Variants in CDH11 observed in about 807,000 individuals in gnomAD.
CDH11 encodes the protein cadherin-11.
A neutral mutation model predicts 67.8 loss-of-function variants in CDH11; 11 were observed. The ratio of observed to expected loss-of-function variants is 0.16; its 90% confidence interval spans 0.10 to 0.27. The LOEUF (loss-of-function observed/expected upper bound fraction) is 0.27, where lower values mean the gene tolerates loss of function less well. CDH11 is among the 10% of genes least tolerant of loss of function. CDH11 has a pLI of 1.00. For synonymous variants in CDH11, 419 were observed against 400.0 expected, an observed-to-expected ratio of 1.05 and a Z score of -0.57; for missense variants, 847 against 1,031.2, an observed-to-expected ratio of 0.82 and a Z score of 2.45.
intron 1 of CDH11, among the ~76,000 whole-genome samples, chr16:65,102,420 C>T (rs555676428): frequency 3.3e-4 from 50 of 152,242 alleles, no homozygotes; most frequent in Non-Finnish European, 1.3e-4. Context: ...ACTTACCTCC[C>T]TCTTGGGAAA....
At chr16:64,995,945 C>G (rs1202294736) in intron 4 of CDH11, among the ~76,000 whole-genome samples, 5 of 152,046 alleles carry the variant, frequency 3.3e-5, no homozygotes, top group Non-Finnish European at 7.4e-5. Flanking sequence ...CATGGATGGA[C>G]ACTTAGCAAA....
At position 64,947,634 on chromosome 16, in the gene CDH11, C is replaced by A. The variant is rs768258792; in HGVS notation, c.2360G>T (p.Gly787Val). Reference sequence around the variant, plus strand: ...ATCGTCATCAAAAGTGTCTTTGGAACCATACAAATCTGCTAGTTTCTTAAA... The same window carrying A: ...ATCGTCATCAAAAGTGTCTTTGGAAACATACAAATCTGCTAGTTTCTTAAA... ...PRFKKLADLYGSKDTFDDDS is the reference protein window; with the variant it reads ...PRFKKLADLYVSKDTFDDDS Residue 787 changes from glycine to valine, a missense_variant, in exon 13 of 13, where the codon GGT (glycine) becomes GTT (valine). Physicochemically the swap from Gly to Val is moderately radical, Grantham distance 109. This residue lies in a region of CDH11 where 612 missense variants were observed against 678.7 expected (regional missense o/e 0.90). Transcript: ENST00000268603. 5 of 1,613,324 alleles carry A rather than the reference C, an allele frequency of 3.1e-6. No homozygotes were observed. The highest frequency in any genetic ancestry group is 1.3e-5 in the African/African-American group (1 of 74,856).
At chr16:65,030,213 C>T (rs556642144) in intron 2 of CDH11, among the ~76,000 whole-genome samples, 3 of 152,154 alleles carry the variant, frequency 2.0e-5, no homozygotes, top group Non-Finnish European at 2.9e-5. Context: ...ATTTGGCAAA[C>T]TGAATTACAG....
chr16:65,068,573 C>T (rs1016588521), intron 1 of CDH11, among the ~76,000 whole-genome samples: 16 of 152,248 alleles, frequency 1.1e-4, no homozygotes, highest in African/African-American at 2.9e-4. Flanking sequence ...AGCTTCTCTT[C>T]GAAGTCAGCT....
intron 2 of CDH11, among the ~76,000 whole-genome samples, chr16:65,030,726 G>A (rs2073626618): frequency 6.6e-6 from 1 of 152,138 alleles, no homozygotes; most frequent in South Asian, 2.1e-4. Context: ...GCATGCCACT[G>A]AGCCTGGCTA....
chr16:65,003,242 ATTAT>A (rs1281384316), intron 3 of CDH11, among the ~76,000 whole-genome samples: 4 of 151,690 alleles, frequency 2.6e-5, no homozygotes, highest in Admixed American at 6.6e-5. Context: ...CATCTTTTTT[ATTAT>A]TTATTTATTT....
At chr16:64,975,009 T>A (rs2072123704) in intron 8 of CDH11, among the ~76,000 whole-genome samples, 1 of 152,122 alleles carries the variant, frequency 6.6e-6, no homozygotes, top group African/African-American at 2.4e-5. Flanking sequence ...CCAAACAGAA[T>A]CTCACTATGT....
At chr16:64,992,151 A>G (rs1350505982) in intron 5 of CDH11, among the ~76,000 whole-genome samples, 3 of 152,168 alleles carry the variant, frequency 2.0e-5, no homozygotes, top group Non-Finnish European at 2.9e-5. Flanking sequence ...ATTTGTATTT[A>G]TGTTTTGTTG....
chr16:65,028,255 AGG>A (rs1286636195), intron 2 of CDH11, among the ~76,000 whole-genome samples: 1 of 152,062 alleles, frequency 6.6e-6, no homozygotes, highest in Non-Finnish European at 1.5e-5. Context: ...GTTCCACCTA[AGG>A]CACAGCAGGT....
chr16:64,978,421 G>C (rs2072238942), intron 8 of CDH11, among the ~76,000 whole-genome samples: 1 of 152,116 alleles, frequency 6.6e-6, no homozygotes. Context: ...CAGGAAAGAA[G>C]ACATAGATAA....
rs142459077 is a variant in CDH11 at position 64,994,344 on chromosome 16, C to T, written c.524-1310G>A. On this transcript the variant is annotated intron_variant, in intron 4 of 12. Coordinates refer to ENST00000268603, the MANE Select transcript of CDH11 (RefSeq NM_001797.4). ...TTAATTTCCTTCTAGAACTCTGCTA[C>T]ATCCTTTACAATGGTTTTGTATTTC... Among the ~76,000 whole-genome samples, 372 of 152,288 alleles carry T rather than the reference C, an allele frequency of 2.4e-3. 3 individuals carry two copies. Among genetic ancestry groups the T allele is most frequent in the Middle Eastern group, 0.01 (3 of 294 alleles).
rs71143543 is a variant in CDH11, at chr16:64,993,196, ACCTTCCTTCCTT to A, written c.524-174_524-163del. On this transcript the variant is annotated intron_variant, in intron 4 of 12. Transcript: ENST00000268603. The stretch of plus-strand genomic sequence containing the variant: ...GAGATGCAAAATAACCAGCCAACCA[ACCTTCCTTCCTT>A]CCTTCCTTCCTTCCTTCCTTCCTTC... Among the ~76,000 whole-genome samples, 51 of 147,212 alleles carry A rather than the reference ACCTTCCTTCCTT, an allele frequency of 3.5e-4. No individual in the cohort carries two copies. The South Asian group carries it at 8.9e-3, about 26-fold the overall frequency.
intron 2 of CDH11, among the ~76,000 whole-genome samples, chr16:65,044,517 G>A (rs2073921828): frequency 6.6e-6 from 1 of 152,038 alleles, no homozygotes. Context: ...CCGTGGAAGT[G>A]ATAGACACTG....
At chr16:65,013,713 G>C (rs2073231020) in intron 2 of CDH11, among the ~76,000 whole-genome samples, 1 of 151,956 alleles carries the variant, frequency 6.6e-6, no homozygotes, top group Admixed American at 6.6e-5. Flanking sequence ...TGTAATCCCA[G>C]CTACTCGGGA....
At chr16:65,022,486 G>A (rs919757154) in intron 2 of CDH11, among the ~76,000 whole-genome samples, 3 of 152,246 alleles carry the variant, frequency 2.0e-5, no homozygotes, top group South Asian at 4.1e-4. Context: ...TTGTCCTCAC[G>A]TTTAACAAGG....
Position 64,947,645 on chromosome 16 carries a change from T to A in CDH11, c.2349A>T (p.Ala783=). 6.2e-7 allele frequency: 1 copy of A among 1,614,094 alleles called. No homozygotes were observed. Among genetic ancestry groups the A allele is most frequent in the Non-Finnish European group, 8.5e-7 (1 of 1,179,966 alleles). The change falls in exon 13 of 13, where the codon GCA becomes GCT. Residue 783 remains alanine, a synonymous_variant. Transcript: ENST00000268603. The part of the protein sequence containing the change: ...QNWGPRFKKL[A]DLYGSKDTFD... ...AAGTGTCTTTGGAACCATACAAATC[T>A]GCTAGTTTCTTAAAACGAGGTCCCC...
intron 1 of CDH11, among the ~76,000 whole-genome samples, chr16:65,060,350 T>G (rs199584568): frequency 0.023 from 3,280 of 140,278 alleles, 81 homozygotes; most frequent in East Asian, 0.09. Context: ...TATATATATA[T>G]ATATAGAGAG....
chr16:65,081,189 A>G (rs569463088), intron 1 of CDH11, among the ~76,000 whole-genome samples: 5 of 152,340 alleles, frequency 3.3e-5, no homozygotes, highest in African/African-American at 1.2e-4. Context: ...TGTTCTGAAT[A>G]TCAGTATGAA....
intron 2 of CDH11, among the ~76,000 whole-genome samples, chr16:65,028,384 G>A (rs1484920725): frequency 6.6e-6 from 1 of 151,928 alleles, no homozygotes; most frequent in Admixed American, 6.6e-5. Context: ...TATCCCTGGT[G>A]GCACCTCTGC....
Sources: allele counts gnomAD v4.1 joint callset (sites outside exome capture counted in the v4.1 genomes callset), GRCh38; gene constraint gnomAD v4.1.1; regional missense constraint gnomAD v4.1.1; transcripts MANE v1.5; gene names NCBI Gene and HGNC (gene_info 2026-07-23, HGNC 2026-07-21).